ERBB4: variants seen among roughly 807,000 people sequenced by gnomAD.
ERBB4 encodes the protein erb-b2 receptor tyrosine kinase 4.
In ERBB4, 42 loss-of-function variants were observed where a neutral mutation model predicts 158.0. The ratio of observed to expected loss-of-function variants is 0.27; its 90% CI spans 0.21 to 0.34. The LOEUF is 0.34. Among genes scored for constraint, ERBB4 ranks in the 10% least tolerant of loss-of-function variants. The pLI is 1.00. For missense variants in ERBB4, 1,333 were observed against 1,624.1 expected (o/e 0.82, Z 3.08); for synonymous variants, 583 against 558.7 (o/e 1.04, Z -0.61).
chr2:211,840,093 C>T (rs2077437170), intron 3 of ERBB4, among the ~76,000 whole-genome samples: 1 of 151,972 alleles, frequency 6.6e-6, no homozygotes, highest in Non-Finnish European at 1.5e-5. Flanking sequence ...ACCCAAATCT[C>T]ATCTTGAATT....
At chr2:211,921,729 C>A (rs948873904) in intron 3 of ERBB4, among the ~76,000 whole-genome samples, 1 of 151,904 alleles carries the variant, frequency 6.6e-6, no homozygotes, top group African/African-American at 2.4e-5. Context: ...TCTGGAGTCA[C>A]GGCATAGTTT....
chr2:211,852,614 C>T (rs1025066752), intron 3 of ERBB4, among the ~76,000 whole-genome samples: 4 of 147,136 alleles, frequency 2.7e-5, no homozygotes, highest in African/African-American at 9.9e-5. Context: ...TGAGGACTTA[C>T]TGTACATGGT....
chr2:211,992,804 G>A (rs1453809432), intron 2 of ERBB4, among the ~76,000 whole-genome samples: 1 of 152,152 alleles, frequency 6.6e-6, no homozygotes, highest in East Asian at 1.9e-4. Flanking sequence ...TGCAGAGGAG[G>A]AGAAACTTGA....
At chr2:211,962,594 T>C (rs1212492247) in intron 2 of ERBB4, among the ~76,000 whole-genome samples, 1 of 152,148 alleles carries the variant, frequency 6.6e-6, no homozygotes, top group Non-Finnish European at 1.5e-5. Flanking sequence ...TAGAATTATG[T>C]TCTTAGTTGC....
intron 3 of ERBB4, among the ~76,000 whole-genome samples, chr2:211,857,373 T>C (rs1315731909): frequency 2.0e-5 from 3 of 152,198 alleles, no homozygotes; most frequent in Non-Finnish European, 4.4e-5. Flanking sequence ...CCTATGTATA[T>C]ATCCTGAAAT....
chr2:211,909,951 G>T (rs570543420), intron 3 of ERBB4, among the ~76,000 whole-genome samples: 2 of 151,770 alleles, frequency 1.3e-5, no homozygotes, highest in East Asian at 3.9e-4. Context: ...ACAGAGTCTT[G>T]CTTGGTCACC....
chr2:211,454,226 C>T (rs189273929), intron 20 of ERBB4, among the ~76,000 whole-genome samples: 1 of 152,222 alleles, frequency 6.6e-6, no homozygotes, highest in East Asian at 1.9e-4. Context: ...TATGTATTGA[C>T]TAAATATGTG....
chr2:211,884,979 G>A (rs2078759585), intron 3 of ERBB4, among the ~76,000 whole-genome samples: 1 of 152,002 alleles, frequency 6.6e-6, no homozygotes, highest in African/African-American at 2.4e-5. Context: ...CTGAAATAAG[G>A]AAAATTGATT....
chr2:211,945,515 T>C (rs886373166), intron 3 of ERBB4, among the ~76,000 whole-genome samples: 2 of 152,098 alleles, frequency 1.3e-5, no homozygotes, highest in Non-Finnish European at 2.9e-5. Flanking sequence ...ATCAACTCAT[T>C]CTCTTAATCA....
At chr2:211,874,864 C>T (rs1039590858) in intron 3 of ERBB4, among the ~76,000 whole-genome samples, 4 of 151,902 alleles carry the variant, frequency 2.6e-5, no homozygotes, top group African/African-American at 9.7e-5. Context: ...TCACATTTTT[C>T]CTGCACAAAA....
chr2:211,634,675 T>G (rs754048203), intron 16 of ERBB4, among the ~76,000 whole-genome samples: 2 of 152,114 alleles, frequency 1.3e-5, no homozygotes, highest in Non-Finnish European at 2.9e-5. Context: ...GAATGTGATT[T>G]ATTTTATTTT....
chr2:212,454,508 TATA>T (rs1451417436), intron 1 of ERBB4, among the ~76,000 whole-genome samples: 1 of 152,176 alleles, frequency 6.6e-6, no homozygotes, highest in Non-Finnish European at 1.5e-5. Flanking sequence ...TTAGAATCTC[TATA>T]ATAATATGAA....
chr2:211,722,478 A>C lies in ERBB4; in HGVS notation c.798T>G (p.Phe266Leu). The C allele has an allele frequency of 6.2e-7, 1 of 1,614,012 alleles. No individual in the cohort carries two copies. Among genetic ancestry groups the C allele is most frequent in the Non-Finnish European group, 8.5e-7 (1 of 1,179,862 alleles). Residue 266 changes from phenylalanine (F) to leucine (L), a missense_variant, in exon 7 of 28, where the codon TTT becomes TTG. This residue lies in a region of ERBB4 where 438 missense variants were observed against 586.9 expected (regional missense o/e 0.75). Transcript: ENST00000342788. ...GTTGAAAGGTGGTTGGATTGTAGAC[A>C]AAGGTTTGGGGACACTGAGTAACAC... Reference protein sequence around the residue: ...GACVTQCPQTFVYNPTTFQLE... With the variant: ...GACVTQCPQTLVYNPTTFQLE...
intron 1 of ERBB4, among the ~76,000 whole-genome samples, chr2:212,492,251 C>T (rs1460307912): frequency 2.0e-5 from 3 of 151,136 alleles, no homozygotes; most frequent in Non-Finnish European, 4.4e-5. Context: ...TAACGAAGAG[C>T]AACATATATT....
intron 3 of ERBB4, among the ~76,000 whole-genome samples, chr2:211,934,169 A>C (rs1034551879): frequency 6.6e-6 from 1 of 151,994 alleles, no homozygotes. Flanking sequence ...TATTTTATAA[A>C]ACTCTGCTGT....
intron 1 of ERBB4, among the ~76,000 whole-genome samples, chr2:212,428,856 A>C (rs891202520): frequency 2.6e-5 from 4 of 152,138 alleles, no homozygotes; most frequent in Admixed American, 6.6e-5. Flanking sequence ...TAGGCATAAC[A>C]GATAGAGGGA....
intron 1 of ERBB4, among the ~76,000 whole-genome samples, chr2:212,518,548 T>C (rs1182596564): frequency 6.6e-6 from 1 of 151,874 alleles, no homozygotes; most frequent in Non-Finnish European, 1.5e-5. Flanking sequence ...CCATGATGCA[T>C]GAAACCACTA....
chr2:212,515,094 A>C (rs538281369), intron 1 of ERBB4, among the ~76,000 whole-genome samples: 53 of 152,352 alleles, frequency 3.5e-4, no homozygotes, highest in African/African-American at 1.2e-3. Context: ...CATAAATGTC[A>C]AAATCTGAGT....
At chr2:211,384,362 A>G (rs1446759798) in intron 27 of ERBB4, among the ~76,000 whole-genome samples, 1 of 152,144 alleles carries the variant, frequency 6.6e-6, no homozygotes, top group Non-Finnish European at 1.5e-5. Flanking sequence ...GGTTGTTTCA[A>G]TGTTTTTGTT....
Sources: allele counts gnomAD v4.1 joint callset (sites outside exome capture counted in the v4.1 genomes callset), GRCh38; gene constraint gnomAD v4.1.1; regional missense constraint gnomAD v4.1.1; transcripts MANE v1.5; gene names NCBI Gene and HGNC (gene_info 2026-07-23, HGNC 2026-07-21).